The following RALGPS1 variants were observed in gnomAD, a reference collection of about 807,000 sequenced individuals.
The protein encoded by RALGPS1 is Ral GEF with PH domain and SH3 binding motif 1, also known as ras-specific guanine nucleotide-releasing factor RalGPS1.
Under a neutral mutation model 78.8 loss-of-function variants are expected in RALGPS1, and 19 were observed. That is an observed-to-expected ratio of 0.24 (90% CI 0.17 to 0.35). RALGPS1 has a LOEUF of 0.35. Ranked by LOEUF, RALGPS1 falls within the 10% of genes least tolerant of loss-of-function variation. The probability of loss-of-function intolerance (pLI) is 1.00; values close to 1 mark genes in which losing one functional copy is unlikely to be tolerated. For synonymous variants in RALGPS1, 228 were observed against 256.3 expected, an observed-to-expected ratio of 0.89 and a Z score of 1.06; for missense variants, 454 against 688.3, an observed-to-expected ratio of 0.66 and a Z score of 3.81.
At chr9:127,125,604 T>C (rs2056557029) in intron 8 of RALGPS1, among the ~76,000 whole-genome samples, 1 of 152,162 alleles carries the variant, frequency 6.6e-6, no homozygotes, top group Non-Finnish European at 1.5e-5. Context: ...TTGCTTCTGC[T>C]CCTGCCCTCA....
intron 8 of RALGPS1, among the ~76,000 whole-genome samples, chr9:127,157,901 A>G (rs1274143121): frequency 6.6e-6 from 1 of 152,124 alleles, no homozygotes; most frequent in African/African-American, 2.4e-5. Flanking sequence ...GTTCCTATTT[A>G]ATAGGATTTC....
chr9:126,989,281 G>A (rs2042071862), intron 4 of RALGPS1, among the ~76,000 whole-genome samples: 1 of 152,180 alleles, frequency 6.6e-6, no homozygotes, highest in African/African-American at 2.4e-5. Flanking sequence ...GTGAAGCACA[G>A]AAGAGGTTGA....
rs1271474782 is a variant in RALGPS1 at position 126,962,306 on chromosome 9, G to A, written c.17G>A (p.Gly6Asp). The stretch of plus-strand genomic sequence containing the variant: ...CTGGAGACTATGTACAAGAGGAATG[G>A]TCTGATGGCTAGCGTGTTGGTCACC... Reference protein sequence around the residue: MYKRNGLMASVLVTSA... With the variant: MYKRNDLMASVLVTSA... Residue 6 changes from glycine to aspartate, a missense_variant, in exon 2 of 19, where the codon GGT becomes GAT. By Grantham distance (94) the Gly-to-Asp change is moderately conservative. Transcript: ENST00000259351. The A allele has an allele frequency of 1.2e-6, 2 of 1,614,174 alleles. No homozygotes were observed. The highest frequency in any genetic ancestry group is 1.7e-6 in the Non-Finnish European group (2 of 1,180,020).
chr9:127,166,942 A>G (rs2059323267), intron 9 of RALGPS1, among the ~76,000 whole-genome samples: 1 of 150,432 alleles, frequency 6.6e-6, no homozygotes. Context: ...GTGGAGCTTG[A>G]CTATGAGCCA....
intron 4 of RALGPS1, among the ~76,000 whole-genome samples, chr9:126,984,358 C>T (rs369011705): frequency 1.4e-3 from 213 of 152,344 alleles, no homozygotes; most frequent in African/African-American, 4.4e-3. Flanking sequence ...CTGCCTCAGC[C>T]TCCCCAGTAG....
At chr9:127,206,193 G>T (rs2061921918) in intron 14 of RALGPS1, among the ~76,000 whole-genome samples, 1 of 152,162 alleles carries the variant, frequency 6.6e-6, no homozygotes, top group Non-Finnish European at 1.5e-5. Context: ...AGCATCACCT[G>T]GGCCCTTCCA....
chr9:127,212,058 G>C lies in RALGPS1; in HGVS notation c.1248-73G>C. On this transcript the variant is annotated intron_variant, in intron 14 of 18. Coordinates refer to ENST00000259351, the MANE Select transcript of RALGPS1 (RefSeq NM_014636.3). This position sits in a 1 kb window ranked among gnomAD's most constrained non-coding sequence, Gnocchi z 6.0. Reference sequence around the variant, plus strand: ...ATGGACTTGGTAGTGGGGCACCTGTGGTCCCCAGTGAGTGAGAGGGTGCTT... The same window carrying C: ...ATGGACTTGGTAGTGGGGCACCTGTCGTCCCCAGTGAGTGAGAGGGTGCTT... The C allele has an allele frequency of 8.2e-7, 1 of 1,222,910 alleles. No homozygotes were observed. The highest frequency in any genetic ancestry group is 1.2e-6 in the Non-Finnish European group (1 of 868,396). The allele number at this position is 1,222,910 out of a possible 1,614,324, so 75.8% of individuals were successfully genotyped here. A position where few individuals can be genotyped will look rare whatever the true frequency, so the allele number is the denominator to read the frequency against.
Position 127,218,749 on chromosome 9 carries a change from A to G in RALGPS1, c.1654A>G (p.Asn552Asp), listed in dbSNP as rs753564457. Residue 552 changes from asparagine to aspartate, a missense_variant, in exon 19 of 19, where the codon AAC (asparagine) becomes GAC (aspartate). Coordinates refer to ENST00000259351, the MANE Select transcript of RALGPS1 (RefSeq NM_014636.3). The surrounding 1 kb of genome is among the most constrained non-coding windows in gnomAD (Gnocchi z 4.4). ...GAGCTTTCTCTTCTAGGTACCTGCAAACCTTATGTCATTTGAGTAAGTCTC... is the reference window on the plus strand; with the variant it reads ...GAGCTTTCTCTTCTAGGTACCTGCAGACCTTATGTCATTTGAGTAAGTCTC... The part of the protein sequence containing the change: ...CKSNRPQVPA[N>D]LMSFE The G allele has an allele frequency of 6.2e-7, 1 of 1,614,110 alleles. No homozygotes were observed.
At chr9:127,099,515 C>T (rs1175748530) in intron 8 of RALGPS1, among the ~76,000 whole-genome samples, 6 of 152,160 alleles carry the variant, frequency 3.9e-5, no homozygotes, top group African/African-American at 1.4e-4. Flanking sequence ...AGGTGAGAGT[C>T]CCACCCAGGC....
chr9:127,005,062 G>T (rs1011688823), intron 4 of RALGPS1, among the ~76,000 whole-genome samples: 1 of 152,216 alleles, frequency 6.6e-6, no homozygotes, highest in Non-Finnish European at 1.5e-5. Flanking sequence ...CGGAGCAGAG[G>T]AAGGAGATTA....
chr9:126,929,968 G>A (rs941639469), intron 1 of RALGPS1, among the ~76,000 whole-genome samples: 1 of 152,140 alleles, frequency 6.6e-6, no homozygotes, highest in African/African-American at 2.4e-5. Flanking sequence ...AGCCTCCTAA[G>A]ACTACAGGTG....
chr9:127,034,110 C>A (rs2046655100), intron 4 of RALGPS1, among the ~76,000 whole-genome samples: 1 of 152,198 alleles, frequency 6.6e-6, no homozygotes, highest in South Asian at 2.1e-4. Context: ...TCTGTGCCCC[C>A]TCAGACAATT....
intron 8 of RALGPS1, among the ~76,000 whole-genome samples, chr9:127,130,758 T>C (rs574420994): frequency 6.6e-6 from 1 of 152,226 alleles, no homozygotes; most frequent in African/African-American, 2.4e-5. Context: ...ATGAAGAAAC[T>C]GAGGCTCAAG....
chr9:127,186,952 C>T (rs969633201), intron 11 of RALGPS1, among the ~76,000 whole-genome samples: 5 of 152,054 alleles, frequency 3.3e-5, no homozygotes, highest in Admixed American at 2.0e-4. Context: ...GCATGGGAAT[C>T]GGAGCTAGAG....
chr9:127,123,844 G>A (rs2056388052), intron 8 of RALGPS1, among the ~76,000 whole-genome samples: 1 of 152,154 alleles, frequency 6.6e-6, no homozygotes, highest in Non-Finnish European at 1.5e-5. Context: ...TAGGAGGATG[G>A]CAGGCACCAG....
chr9:127,212,559 T>A lies in RALGPS1; in HGVS notation c.1354-68T>A, dbSNP rs550794212. The A allele has an allele frequency of 1.8e-5, 21 of 1,154,588 alleles. No homozygotes were observed. The highest frequency in any genetic ancestry group is 2.5e-5 in the Non-Finnish European group (20 of 799,050). The allele number at this position is 1,154,588 out of a possible 1,614,324, so 71.5% of individuals were successfully genotyped here. ...GGCATTGATGGGATGGCTGGGTCTG[T>A]AATCGGCCAGGGATCCTCTACCCCC... On this transcript the variant is annotated intron_variant, in intron 15 of 18. Transcript: ENST00000259351. The surrounding 1 kb of genome is among the most constrained non-coding windows in gnomAD (Gnocchi z 6.0).
intron 5 of RALGPS1, among the ~76,000 whole-genome samples, chr9:127,041,980 G>A (rs150096369): frequency 6.6e-6 from 1 of 152,232 alleles, no homozygotes; most frequent in African/African-American, 2.4e-5. Flanking sequence ...GGAGTAGATG[G>A]GACCTCTAAG....
chr9:127,072,567 T>G (rs958015534), intron 8 of RALGPS1, among the ~76,000 whole-genome samples: 1 of 152,226 alleles, frequency 6.6e-6, no homozygotes, highest in Non-Finnish European at 1.5e-5. Flanking sequence ...TTTAAAAACA[T>G]AGTTTTCTCT....
At chr9:126,952,656 A>AGAGTGTGTGTGTGTGTGTGTGT (rs1554763340) in intron 1 of RALGPS1, among the ~76,000 whole-genome samples, 3 of 138,920 alleles carry the variant, frequency 2.2e-5, no homozygotes, top group Non-Finnish European at 3.2e-5. Context: ...AGAGAGAGAG[A>AGAGTGTGTGTGTGTGTGTGTGT]GTGTGTGTGT....
Sources: gnomAD v4.1 joint callset for allele counts (sites outside exome capture counted in the v4.1 genomes callset) on GRCh38, gnomAD v4.1.1 for gene constraint, Gnocchi (gnomAD v3.1) non-coding constraint, MANE v1.5 for transcripts, NCBI Gene and HGNC (gene_info 2026-07-23, HGNC 2026-07-21) for gene names.